Variants in MYT1L observed in about 807,000 individuals in gnomAD.
The protein encoded by MYT1L is myelin transcription factor 1-like protein.
A neutral mutation model predicts 126.7 loss-of-function variants in MYT1L; 12 were observed. That is an observed-to-expected ratio of 0.09 (90% CI 0.06 to 0.15). MYT1L has a LOEUF of 0.15. Among genes scored for constraint, MYT1L ranks in the 10% least tolerant of loss-of-function variants. The probability of loss-of-function intolerance (pLI) is 1.00; values close to 1 mark genes in which losing one functional copy is unlikely to be tolerated. For missense variants in MYT1L, 979 were observed against 1,585.2 expected, an observed-to-expected ratio of 0.62 and a Z score of 6.49; for synonymous variants, 541 against 604.2, an observed-to-expected ratio of 0.90 and a Z score of 1.53.
intron 2 of MYT1L, among the ~76,000 whole-genome samples, chr2:2,281,633 C>A (rs1357149227): frequency 6.6e-6 from 1 of 152,070 alleles, no homozygotes; most frequent in Non-Finnish European, 1.5e-5. Flanking sequence ...TTTAGAAAAA[C>A]AATAATCAAA....
chr2:2,276,589 C>T (rs951150697), intron 2 of MYT1L, among the ~76,000 whole-genome samples: 5 of 152,124 alleles, frequency 3.3e-5, no homozygotes, highest in Non-Finnish European at 5.9e-5. Context: ...TGACATCTTC[C>T]TACTCTGCAA....
At chr2:2,210,711 G>A (rs959017533) in intron 2 of MYT1L, among the ~76,000 whole-genome samples, 1 of 152,024 alleles carries the variant, frequency 6.6e-6, no homozygotes, top group Admixed American at 6.6e-5. Context: ...GGCTATTCTA[G>A]GTCTTTTGTG....
At chr2:2,158,533 T>C (rs2087134384) in intron 3 of MYT1L, among the ~76,000 whole-genome samples, 2 of 152,164 alleles carry the variant, frequency 1.3e-5, no homozygotes, top group Admixed American at 6.5e-5. Flanking sequence ...GGTTGGTCAC[T>C]GTCCTGAATC....
chr2:2,231,136 CTTT>C (rs1442577161), intron 2 of MYT1L, among the ~76,000 whole-genome samples: 2 of 152,176 alleles, frequency 1.3e-5, no homozygotes, highest in Non-Finnish European at 2.9e-5. Flanking sequence ...TCATTTCCTG[CTTT>C]TTATTTCACT....
chr2:2,006,994 G>A (rs186144114), intron 4 of MYT1L, among the ~76,000 whole-genome samples: 44 of 151,836 alleles, frequency 2.9e-4, no homozygotes, highest in Admixed American at 5.2e-4. Context: ...CTATATTGTG[G>A]CAAATAGCAG....
intron 8 of MYT1L, among the ~76,000 whole-genome samples, chr2:1,971,064 C>A (rs571557003): frequency 6.6e-6 from 1 of 152,016 alleles, no homozygotes; most frequent in African/African-American, 2.4e-5. Context: ...GCTGTAAGCC[C>A]AGCATTCTGA....
chr2:2,170,495 AAATC>A (rs2089872392), intron 3 of MYT1L, among the ~76,000 whole-genome samples: 2 of 152,236 alleles, frequency 1.3e-5, no homozygotes, highest in Admixed American at 1.3e-4. Context: ...ACAAAGTCTA[AAATC>A]ATCTCTGGTT....
intron 5 of MYT1L, among the ~76,000 whole-genome samples, chr2:1,988,623 C>T (rs903786436): frequency 6.6e-6 from 1 of 152,232 alleles, no homozygotes; most frequent in African/African-American, 2.4e-5. Flanking sequence ...GGCACAATCA[C>T]CTTTATGAAT....
intron 3 of MYT1L, among the ~76,000 whole-genome samples, chr2:2,152,510 G>A (rs79061767): frequency 0.035 from 5,386 of 152,246 alleles, 127 homozygotes; most frequent in South Asian, 0.088. Flanking sequence ...GGAGGGGCAG[G>A]GTCAGACGCA....
At chr2:1,994,431 C>A (rs2061675256) in intron 5 of MYT1L, among the ~76,000 whole-genome samples, 1 of 152,144 alleles carries the variant, frequency 6.6e-6, no homozygotes, top group South Asian at 2.1e-4. Flanking sequence ...TCACGCCCTG[C>A]CCCCTCCTCC....
At chr2:1,886,486 G>T in intron 18 of MYT1L, 53 bp downstream of exon 18, 6 of 1,296,974 alleles carry the variant, frequency 4.6e-6, no homozygotes, top group Admixed American at 5.3e-5. Context: ...TTTTTTTTGT[G>T]AACTACTGAG....
At chr2:2,131,681 G>T (rs1049855719) in intron 3 of MYT1L, among the ~76,000 whole-genome samples, 1 of 151,994 alleles carries the variant, frequency 6.6e-6, no homozygotes, top group Non-Finnish European at 1.5e-5. Flanking sequence ...CATGGAAAAC[G>T]GGCCACTGGG....
chr2:1,917,119 T>G lies in MYT1L; in HGVS notation c.1618+86A>C. 30 of 1,496,688 alleles carry G rather than the reference T, an allele frequency of 2.0e-5. No individual in the cohort carries two copies. Among genetic ancestry groups the G allele is most frequent in the Non-Finnish European group, 2.5e-5 (28 of 1,098,498 alleles). 92.7% of individuals were successfully genotyped at this position (1,496,688 alleles called of 1,614,324 possible). On this transcript the variant is annotated intron_variant, in intron 11 of 24. Transcript: ENST00000647738. The surrounding 1 kb of genome is among the most constrained non-coding windows in gnomAD (Gnocchi z 5.9). ...AATCAGGTCGCACCGAGCCGTACAA[T>G]GGAGATGATGTCAGGTAAGAGGGAT...
chr2:2,125,093 A>T (rs940568291), intron 3 of MYT1L, among the ~76,000 whole-genome samples: 6 of 152,150 alleles, frequency 3.9e-5, no homozygotes, highest in Non-Finnish European at 8.8e-5. Flanking sequence ...ATCACATAAA[A>T]ATCTCAGGGC....
At chr2:2,295,504 T>G (rs1352158953) in intron 1 of MYT1L, among the ~76,000 whole-genome samples, 1 of 143,838 alleles carries the variant, frequency 7.0e-6, no homozygotes, top group Non-Finnish European at 1.5e-5. Flanking sequence ...GTGGAGAGTG[T>G]GGGGGTGGGG....
chr2:1,883,243 C>CT (rs1558266117), intron 18 of MYT1L, among the ~76,000 whole-genome samples: 2 of 152,312 alleles, frequency 1.3e-5, no homozygotes, highest in African/African-American at 2.4e-5. Flanking sequence ...TATTTGTTGG[C>CT]TCCTCTTAAG....
At chr2:2,106,109 A>G (rs1273779275) in intron 3 of MYT1L, among the ~76,000 whole-genome samples, 1 of 152,196 alleles carries the variant, frequency 6.6e-6, no homozygotes, top group Non-Finnish European at 1.5e-5. Flanking sequence ...CAGCCAGCTC[A>G]TGGAGGGAAT....
intron 3 of MYT1L, among the ~76,000 whole-genome samples, chr2:2,097,886 C>A (rs1483373922): frequency 6.6e-6 from 1 of 152,154 alleles, no homozygotes; most frequent in Admixed American, 6.5e-5. Context: ...GCAGAATTCT[C>A]ATGAATGACT....
intron 3 of MYT1L, among the ~76,000 whole-genome samples, chr2:2,142,831 C>T (rs1386200763): frequency 6.6e-6 from 1 of 151,754 alleles, no homozygotes; most frequent in South Asian, 2.1e-4. Flanking sequence ...GGATTACAGG[C>T]ACGCACCACC....
Sources: gnomAD v4.1 joint callset for allele counts (sites outside exome capture counted in the v4.1 genomes callset) on GRCh38, gnomAD v4.1.1 for gene constraint, Gnocchi (gnomAD v3.1) non-coding constraint, MANE v1.5 for transcripts, NCBI Gene and HGNC (gene_info 2026-07-23, HGNC 2026-07-21) for gene names.